The following LMLN variants were observed in gnomAD, a reference collection of about 807,000 sequenced individuals.
LMLN encodes the protein leishmanolysin like peptidase, also known as leishmanolysin-like peptidase.
LMLN carries 70 observed loss-of-function variants against 92.3 expected under a neutral mutation model. The ratio of observed to expected loss-of-function variants is 0.76; its 90% confidence interval spans 0.63 to 0.92. LMLN has a LOEUF of 0.92. Among genes scored for constraint, LMLN ranks in the 40% least tolerant of loss-of-function variants. The pLI is 0.00. For synonymous variants in LMLN, 308 were observed against 296.2 expected, an observed-to-expected ratio of 1.04 and a Z score of -0.41; for missense variants, 691 against 814.6, an observed-to-expected ratio of 0.85 and a Z score of 1.85.
At chr3:198,001,822 T>C (rs1454448745) in intron 11 of LMLN, among the ~76,000 whole-genome samples, 3 of 152,122 alleles carry the variant, frequency 2.0e-5, no homozygotes, top group Non-Finnish European at 2.9e-5. Flanking sequence ...TTCAATATTA[T>C]TATTTTTTAT....
intron 1 of LMLN, among the ~76,000 whole-genome samples, chr3:197,971,671 G>A (rs542126580): frequency 5.3e-5 from 8 of 152,054 alleles, no homozygotes; most frequent in Non-Finnish European, 7.4e-5. Flanking sequence ...TGAAACCTCC[G>A]CCTCCCGGGT....
Position 197,984,127 on chromosome 3 carries a change from C to T in LMLN, c.834+79C>T, listed in dbSNP as rs1056114967. Reference sequence around the variant, plus strand: ...TGTTCTCATTTTTATACATATATTCCACTTTAAGATGATGTGGATTCCTAG... The same window carrying T: ...TGTTCTCATTTTTATACATATATTCTACTTTAAGATGATGTGGATTCCTAG... On this transcript the variant is annotated intron_variant, in intron 7 of 15. Transcript: ENST00000330198. 29 of 871,768 alleles carry T rather than the reference C, an allele frequency of 3.3e-5. No individual in the cohort carries two copies. The African/African-American group carries it at 4.0e-4, about 12-fold the overall frequency. 54.0% of individuals were successfully genotyped at this position (871,768 alleles called of 1,614,324 possible). A position where few individuals can be genotyped will look rare whatever the true frequency, so the allele number is the denominator to read the frequency against.
chr3:197,990,874 C>G (rs1721848008), intron 9 of LMLN, among the ~76,000 whole-genome samples, 198 bp downstream of exon 9: 1 of 152,110 alleles, frequency 6.6e-6, no homozygotes, highest in Admixed American at 6.5e-5. Flanking sequence ...TCTCACAGCT[C>G]CTATCCCACC....
rs900027665 is a variant in LMLN at position 198,025,820 on chromosome 3, G to A, written c.1656+1032G>A. Among the ~76,000 whole-genome samples, 17 of 152,218 alleles carry A rather than the reference G, an allele frequency of 1.1e-4. No individual in the cohort carries two copies. The highest frequency in any genetic ancestry group is 7.7e-4 in the East Asian group (4 of 5,200). On this transcript the variant is annotated intron_variant, in intron 14 of 15. Transcript: ENST00000330198. The surrounding 1 kb of genome is among the most constrained non-coding windows in gnomAD (Gnocchi z 4.3). ...ACAAATGGATGTCAGGGAGGACAGC[G>A]TAAGCCTGAGAAATGCAGAATCAGC...
intron 14 of LMLN, among the ~76,000 whole-genome samples, chr3:198,033,128 A>C (rs1723120996): frequency 6.6e-6 from 1 of 152,130 alleles, no homozygotes; most frequent in African/African-American, 2.4e-5. Flanking sequence ...AGAATACTTC[A>C]ACTTCAGCAA....
chr3:197,963,905 A>G (rs77792747), intron 1 of LMLN, among the ~76,000 whole-genome samples: 8,641 of 152,152 alleles, frequency 0.057, 293 homozygotes, highest in South Asian at 0.087. Context: ...TTAACTTTAC[A>G]TTTTTTTGTA....
In LMLN at chr3:198,042,375, T is replaced by G. The variant is rs1723431311; in HGVS notation, c.*3708T>G. 6.7e-6 allele frequency: 1 copy of G among 150,150 alleles called. No homozygotes were observed. The allele number at this position is 150,150 out of a possible 1,614,324, so 9.3% of individuals were successfully genotyped here. A position where few individuals can be genotyped will look rare whatever the true frequency, so the allele number is the denominator to read the frequency against. ...CTGCACTGCAGCCTGGATGACAGAG[T>G]GAGACTTTCTTGGGAAAAAAAAAAA... On this transcript the variant is annotated 3_prime_UTR_variant, in exon 16 of 16. Coordinates refer to ENST00000330198, the Ensembl canonical transcript of LMLN. This position sits in a 1 kb window ranked among gnomAD's most constrained non-coding sequence, Gnocchi z 4.2.
At chr3:197,992,638 G>A (rs964551030) in intron 9 of LMLN, among the ~76,000 whole-genome samples, 7 of 152,134 alleles carry the variant, frequency 4.6e-5, no homozygotes, top group African/African-American at 1.7e-4. Context: ...GATTGAATCA[G>A]TAATAAAAGT....
intron 14 of LMLN, among the ~76,000 whole-genome samples, chr3:198,030,251 C>T (rs113413066): frequency 0.028 from 4,273 of 152,310 alleles, 83 homozygotes; most frequent in Non-Finnish European, 0.045. Flanking sequence ...GCCTCGTCCT[C>T]TTGCTGTGTT....
chr3:198,035,846 C>T (rs780328793), exon 15 of LMLN: 5 of 1,613,466 alleles, frequency 3.1e-6, no homozygotes, highest in African/African-American at 2.7e-5. Flanking sequence ...TCTTGTTCTC[C>T]TCAAGGTCTG....
At chr3:198,012,221 T>C (rs1722465000) in intron 11 of LMLN, among the ~76,000 whole-genome samples, 1 of 152,070 alleles carries the variant, frequency 6.6e-6, no homozygotes, top group Non-Finnish European at 1.5e-5. Context: ...CCCACCACCA[T>C]GCCCGGCTAA....
intron 14 of LMLN, among the ~76,000 whole-genome samples, chr3:198,026,327 T>G (rs1432397135): frequency 6.6e-6 from 1 of 151,906 alleles, no homozygotes; most frequent in Non-Finnish European, 1.5e-5. Flanking sequence ...TTTTTCATTT[T>G]TCCTCTTTTG....
intron 1 of LMLN, among the ~76,000 whole-genome samples, chr3:197,962,767 CTT>C (rs200108423): frequency 5.7e-4 from 77 of 135,276 alleles, no homozygotes; most frequent in Non-Finnish European, 6.0e-4. Context: ...GATCAATATC[CTT>C]TTTTTTTTTT....
chr3:197,996,470 T>G, intron 10 of LMLN, 188 bp downstream of exon 10: 1 of 403,764 alleles, frequency 2.5e-6, no homozygotes, highest in Non-Finnish European at 4.4e-6. Context: ...AAATGTTATA[T>G]ATGTATGTGT....
At chr3:197,974,637 A>G (rs1721318476) in intron 2 of LMLN, among the ~76,000 whole-genome samples, 163 bp downstream of exon 2, 1 of 152,276 alleles carries the variant, frequency 6.6e-6, no homozygotes, top group Admixed American at 6.5e-5. Context: ...TGAAAATATG[A>G]AAGCCATGGG....
At chr3:198,039,250 A>G (rs1382487731) in exon 16 of LMLN, 1 of 156,658 alleles carries the variant, frequency 6.4e-6, no homozygotes, top group Non-Finnish European at 1.4e-5. Flanking sequence ...AATGGGTGGA[A>G]TTTTCAGAGT....
chr3:198,027,851 A>G (rs962078019), intron 14 of LMLN, among the ~76,000 whole-genome samples: 1 of 151,954 alleles, frequency 6.6e-6, no homozygotes, highest in South Asian at 2.1e-4. Flanking sequence ...CTGAGTCCCT[A>G]TTTTCAGTCT....
At chr3:198,007,804 C>T (rs1722333296) in intron 11 of LMLN, among the ~76,000 whole-genome samples, 1 of 152,128 alleles carries the variant, frequency 6.6e-6, no homozygotes, top group Non-Finnish European at 1.5e-5. Context: ...TTGAGTTTTC[C>T]AATCCATAAA....
At chr3:198,020,891 G>A (rs1004892950) in intron 12 of LMLN, among the ~76,000 whole-genome samples, 4 of 144,416 alleles carry the variant, frequency 2.8e-5, no homozygotes, top group African/African-American at 1.0e-4. Flanking sequence ...CCAAAGTGCT[G>A]GGATTACAGG....
Sources: allele counts gnomAD v4.1 joint callset (sites outside exome capture counted in the v4.1 genomes callset), GRCh38; gene constraint gnomAD v4.1.1; non-coding constraint Gnocchi (gnomAD v3.1); transcripts MANE v1.5; gene names NCBI Gene and HGNC (gene_info 2026-07-23, HGNC 2026-07-21).